Variants in MEGF11 observed in about 807,000 individuals in gnomAD.
MEGF11 encodes multiple EGF like domains 11.
In MEGF11, 126 loss-of-function variants were observed where a neutral mutation model predicts 146.6. The observed-to-expected ratio is 0.86, with a 90% CI of 0.74 to 1.00. MEGF11 has a LOEUF of 1.00. Ranked by LOEUF, MEGF11 falls within the 50% of genes least tolerant of loss-of-function variation. MEGF11 has a pLI of 0.00. For synonymous variants in MEGF11, 532 were observed against 583.4 expected (o/e 0.91, Z 1.27); for missense variants, 1,509 against 1,521.2 (o/e 0.99, Z 0.13).
intron 5 of MEGF11, among the ~76,000 whole-genome samples, chr15:66,048,438 A>G (rs2084312306): frequency 6.6e-6 from 1 of 152,260 alleles, no homozygotes; most frequent in African/African-American, 2.4e-5. Context: ...ATGGATTTCA[A>G]CAAGGGACAG....
At chr15:66,176,761 G>A (rs1057504528) in intron 1 of MEGF11, among the ~76,000 whole-genome samples, 1 of 152,208 alleles carries the variant, frequency 6.6e-6, no homozygotes, top group South Asian at 2.1e-4. Context: ...CTCTGGGGAG[G>A]TTCCCAGATG....
intron 4 of MEGF11, among the ~76,000 whole-genome samples, chr15:66,116,593 A>G (rs2087742177): frequency 6.6e-6 from 1 of 152,252 alleles, no homozygotes; most frequent in Non-Finnish European, 1.5e-5. Context: ...GTTACCATGC[A>G]ACAAGGACCC....
intron 1 of MEGF11, among the ~76,000 whole-genome samples, chr15:66,240,684 G>T (rs1313322227): frequency 6.6e-6 from 1 of 152,166 alleles, no homozygotes; most frequent in Admixed American, 6.5e-5. Flanking sequence ...TGAGAAGCAG[G>T]GTGCTCAGAC....
chr15:66,106,259 G>A (rs1409622497), intron 4 of MEGF11, among the ~76,000 whole-genome samples: 4 of 152,228 alleles, frequency 2.6e-5, no homozygotes, highest in African/African-American at 9.6e-5. Flanking sequence ...ACATGCCAGC[G>A]TGCAGTTATG....
At chr15:65,918,827 T>C (rs1460776447) in intron 15 of MEGF11, among the ~76,000 whole-genome samples, 1 of 152,186 alleles carries the variant, frequency 6.6e-6, no homozygotes, top group Non-Finnish European at 1.5e-5. Context: ...TAGGACTAGG[T>C]TTGAGTATTC....
chr15:66,019,294 G>A (rs1019654485), intron 5 of MEGF11, among the ~76,000 whole-genome samples: 1 of 152,168 alleles, frequency 6.6e-6, no homozygotes, highest in African/African-American at 2.4e-5. Context: ...GCTGCTGAAC[G>A]AAGTCTAATT....
intron 2 of MEGF11, among the ~76,000 whole-genome samples, chr15:66,125,854 C>A (rs1207225903): frequency 6.6e-6 from 1 of 152,186 alleles, no homozygotes; most frequent in East Asian, 1.9e-4. Flanking sequence ...TCAGCCCTAA[C>A]ATAGACCTTG....
chr15:66,156,440 T>G (rs2089759927), intron 1 of MEGF11, among the ~76,000 whole-genome samples: 1 of 152,060 alleles, frequency 6.6e-6, no homozygotes, highest in Non-Finnish European at 1.5e-5. Context: ...ACTTGACCAC[T>G]CCAGGCAGCC....
intron 1 of MEGF11, among the ~76,000 whole-genome samples, chr15:66,154,135 C>T (rs978581724): frequency 1.3e-5 from 2 of 152,212 alleles, no homozygotes; most frequent in South Asian, 2.1e-4. Flanking sequence ...AGCAGCTTTG[C>T]GTGAGACAGG....
At chr15:66,206,420 C>G (rs1314199689) in intron 1 of MEGF11, among the ~76,000 whole-genome samples, 1 of 152,128 alleles carries the variant, frequency 6.6e-6, no homozygotes, top group Non-Finnish European at 1.5e-5. Context: ...GCAAGAGACA[C>G]TCACCTACAG....
chr15:66,023,431 C>T (rs1412969947), intron 5 of MEGF11, among the ~76,000 whole-genome samples: 1 of 152,186 alleles, frequency 6.6e-6, no homozygotes, highest in African/African-American at 2.4e-5. Flanking sequence ...TGTGCCCAGG[C>T]CACATGCAGA....
intron 1 of MEGF11, among the ~76,000 whole-genome samples, chr15:66,206,158 C>T (rs1047506822): frequency 3.3e-5 from 5 of 152,086 alleles, no homozygotes; most frequent in African/African-American, 1.2e-4. Context: ...TGGGTGGACT[C>T]AGCAGCTGAA....
chr15:65,927,619 T>A (rs1354235785), intron 13 of MEGF11, among the ~76,000 whole-genome samples: 1 of 152,192 alleles, frequency 6.6e-6, no homozygotes, highest in Non-Finnish European at 1.5e-5. Context: ...AAGAAAGCTT[T>A]ACATTGAAAT....
intron 24 of MEGF11, chr15:65,902,684 A>G (rs1426375873): frequency 6.6e-6 from 1 of 152,264 alleles, no homozygotes; most frequent in Non-Finnish European, 1.5e-5. Flanking sequence ...CAGGCTACCC[A>G]AGCTCTGGGA....
chr15:65,984,525 C>CAAAAAAA (rs35017296), intron 5 of MEGF11, among the ~76,000 whole-genome samples: 3 of 49,510 alleles, frequency 6.1e-5, no homozygotes, highest in African/African-American at 8.8e-5. Context: ...GACTCCGTGT[C>CAAAAAAA]AAAAAAAAAA....
At chr15:66,188,125 C>T (rs1023441250) in intron 1 of MEGF11, among the ~76,000 whole-genome samples, 2 of 151,904 alleles carry the variant, frequency 1.3e-5, no homozygotes, top group Non-Finnish European at 2.9e-5. Context: ...GTAACACCCC[C>T]CCATGCCCCA....
intron 4 of MEGF11, among the ~76,000 whole-genome samples, chr15:66,100,601 G>A (rs2086752890): frequency 6.6e-6 from 1 of 152,118 alleles, no homozygotes; most frequent in Non-Finnish European, 1.5e-5. Context: ...TTCATTGCAA[G>A]ACTAAATCAT....
intron 4 of MEGF11, among the ~76,000 whole-genome samples, chr15:66,114,486 C>T (rs1480475749): frequency 6.6e-6 from 1 of 152,252 alleles, no homozygotes; most frequent in African/African-American, 2.4e-5. Flanking sequence ...CCTGTATCAT[C>T]TGGTTTGATA....
chr15:65,967,212 A>AAGTT (rs1316907601), intron 8 of MEGF11: 2 of 152,250 alleles, frequency 1.3e-5, no homozygotes, highest in East Asian at 3.8e-4. Flanking sequence ...TCAATTAGAA[A>AAGTT]AGTTAGTTAT....
Sources: allele counts gnomAD v4.1 joint callset (sites outside exome capture counted in the v4.1 genomes callset), GRCh38; gene constraint gnomAD v4.1.1; transcripts MANE v1.5; gene names NCBI Gene and HGNC (gene_info 2026-07-23, HGNC 2026-07-21).